GUSB: variants seen among roughly 807,000 people sequenced by gnomAD.
GUSB encodes beta-glucuronidase.
In GUSB, 51 loss-of-function variants were observed where a neutral mutation model predicts 74.6. The observed-to-expected ratio is 0.68, with a 90% CI of 0.55 to 0.86. The LOEUF is 0.86. Ranked by LOEUF, GUSB falls within the 40% of genes least tolerant of loss-of-function variation. The probability of loss-of-function intolerance (pLI) is 0.00; values close to 1 mark genes in which losing one functional copy is unlikely to be tolerated. For missense variants in GUSB, 736 were observed against 853.7 expected (o/e 0.86, Z 1.72); for synonymous variants, 360 against 348.3 (o/e 1.03, Z -0.37).
At chr7:65,975,848 CAAA>C (rs112120049) in intron 5 of GUSB, 164 bp downstream of exon 5, 6,510 of 429,074 alleles carry the variant, frequency 0.015, no homozygotes, top group East Asian at 0.024. Context: ...GAGACCATCT[CAAA>C]AAAAAAAAAA....
At chr7:65,961,162 CTT>C (rs1219469323) in intron 11 of GUSB, 99 bp from the exon 12 acceptor site, 38 of 1,153,692 alleles carry the variant, frequency 3.3e-5, no homozygotes, top group Non-Finnish European at 4.7e-5. Flanking sequence ...ATAGAAATGT[CTT>C]TTTTTTTCTT....
At position 65,973,011 on chromosome 7, in the gene GUSB, G is replaced by A. The variant is rs150944376; in HGVS notation, c.1391+1284C>T. 3.7e-4 allele frequency among the ~76,000 whole-genome samples: 56 copies of A among 152,282 alleles called. No homozygotes were observed. The East Asian group carries it at 7.1e-3, about 19-fold the overall frequency. On this transcript the variant is annotated intron_variant, in intron 8 of 11. Transcript: ENST00000304895. ...CCAAGTGAAAAATCCAACTCTGAAC[G>A]CTGAGTTAGAACTGCACGATTGTAA...
At chr7:65,961,525 A>T (rs574595611) in intron 11 of GUSB, among the ~76,000 whole-genome samples, 1 of 152,278 alleles carries the variant, frequency 6.6e-6, no homozygotes, top group South Asian at 2.1e-4. Flanking sequence ...CCAAACACCC[A>T]GGTTCCCTGG....
chr7:65,980,700 C>T (rs1583949012), intron 1 of GUSB: 23 of 466,922 alleles, frequency 4.9e-5, no homozygotes, highest in South Asian at 4.8e-4. Flanking sequence ...AGACCTGTGA[C>T]TAAGAGGCAG....
At chr7:65,974,170 G>T in intron 8 of GUSB, 125 bp downstream of exon 8, 1 of 843,714 alleles carries the variant, frequency 1.2e-6, no homozygotes, top group Non-Finnish European at 2.0e-6. Context: ...GAACTATCTG[G>T]GTATGGACGG....
intron 2 of GUSB, 128 bp downstream of exon 2, chr7:65,980,096 G>C: frequency 2.0e-6 from 2 of 1,002,130 alleles, no homozygotes; most frequent in South Asian, 1.4e-5. Context: ...ACAGCCCCCA[G>C]GGCAGGGCAG....
rs114492691 is a variant in GUSB, at chr7:65,970,932, G to C, written c.1392-566C>G. Among the ~76,000 whole-genome samples the C allele has an allele frequency of 2.1e-3, 321 of 151,860 alleles. 1 individual carries two copies. The highest frequency in any genetic ancestry group is 7.4e-3 in the African/African-American group (308 of 41,452). On this transcript the variant is annotated intron_variant, in intron 8 of 11. Transcript: ENST00000304895. ...CAAAGGGGAAAAAAAAAAAAGCATGGAGCCGCTGCTTTCTTCCCTAACTTG... is the reference window on the plus strand; with the variant it reads ...CAAAGGGGAAAAAAAAAAAAGCATGCAGCCGCTGCTTTCTTCCCTAACTTG...
Position 65,980,286 on chromosome 7 carries a change from T to G in GUSB, c.334A>C (p.Thr112Pro). 6.4e-7 allele frequency: 1 copy of G among 1,568,996 alleles called. No individual in the cohort carries two copies. The change falls in exon 2 of 12, where the codon ACC (threonine) becomes CCC (proline). Residue 112 changes from threonine (T) to proline (P), a missense_variant. Coordinates refer to ENST00000304895, the MANE Select transcript of GUSB (RefSeq NM_000181.4). ...EREVILPERW[T>P]QDLRTRVVLR... ...ACCACTCTTGTGCGCAGGTCCTGGG[T>G]CCATCGCTCCGGCAGGATCACCTCC...
chr7:65,969,851 T>G (rs1283854188), intron 9 of GUSB, among the ~76,000 whole-genome samples: 2 of 152,232 alleles, frequency 1.3e-5, no homozygotes, highest in African/African-American at 4.8e-5. Context: ...AAATCTTTGA[T>G]GTTTTATGAG....
intron 10 of GUSB, 79 bp downstream of exon 10, chr7:65,967,652 G>T: frequency 8.4e-7 from 1 of 1,188,632 alleles, no homozygotes; most frequent in South Asian, 1.2e-5. Flanking sequence ...CAGTGCAGTG[G>T]GCGCAGGTCA....
At position 65,974,591 on chromosome 7, in the gene GUSB, C is replaced by T. The variant is rs1791436002; in HGVS notation, c.1179G>A (p.Met393Ile). The T allele has an allele frequency of 2.5e-6, 4 of 1,614,114 alleles. No homozygotes were observed. The highest frequency in any genetic ancestry group is 3.4e-6 in the Non-Finnish European group (4 of 1,180,056). Residue 393 changes from methionine to isoleucine, a missense_variant, in exon 7 of 12, where the codon ATG becomes ATA. By Grantham distance (10) the Met-to-Ile change is conservative. Coordinates refer to ENST00000304895, the MANE Select transcript of GUSB (RefSeq NM_000181.4). The stretch of plus-strand genomic sequence containing the variant: ...CAATCCCATAGCGGTCACACATCTG[C>T]ATCACTTCCTCTGCATAGGGGTAGT... ...TSHYPYAEEV[M>I]QMCDRYGIVV...
chr7:65,975,759 G>C (rs1487998356), intron 5 of GUSB: 1 of 396,058 alleles, frequency 2.5e-6, no homozygotes, highest in East Asian at 4.6e-5. Context: ...GCCAAGGCAG[G>C]AGGACTGCTG....
rs1036843273 is a variant in GUSB at position 65,982,194 on chromosome 7, C to A, written c.-11G>T. ...CGACCCCCGGGCCATGCTTCCCGGT[C>A]CCCCGCTCGGCCACCGTCTGCGGCG... On this transcript the variant is annotated 5_prime_UTR_variant, in exon 1 of 12. Coordinates refer to ENST00000304895, the MANE Select transcript of GUSB (RefSeq NM_000181.4). 4.0e-6 allele frequency: 6 copies of A among 1,501,544 alleles called. No individual in the cohort carries two copies. The highest frequency in any genetic ancestry group is 1.4e-5 in the African/African-American group (1 of 69,784). 93.0% of individuals were successfully genotyped at this position (1,501,544 alleles called of 1,614,324 possible). A position where few individuals can be genotyped will look rare whatever the true frequency, so the allele number is the denominator to read the frequency against.
intron 1 of GUSB, among the ~76,000 whole-genome samples, chr7:65,981,115 C>A (rs574375317): frequency 6.6e-6 from 1 of 152,034 alleles, no homozygotes; most frequent in African/African-American, 2.4e-5. Flanking sequence ...TGGCTCATGC[C>A]AGTAATCAGC....
intron 9 of GUSB, among the ~76,000 whole-genome samples, chr7:65,968,975 C>T (rs1220164184): frequency 2.0e-5 from 3 of 152,306 alleles, no homozygotes; most frequent in South Asian, 2.1e-4. Context: ...AGGGCGGTGA[C>T]GACCGAGTAG....
At chr7:65,963,578 C>G (rs768039176) in intron 11 of GUSB, among the ~76,000 whole-genome samples, 4 of 74,536 alleles carry the variant, frequency 5.4e-5, no homozygotes, top group Non-Finnish European at 8.0e-5. Context: ...ACAAGTCTCA[C>G]TCTGTTGTCC....
At chr7:65,965,988 T>G (rs1223270722) in intron 10 of GUSB, among the ~76,000 whole-genome samples, 1 of 151,776 alleles carries the variant, frequency 6.6e-6, no homozygotes, top group Non-Finnish European at 1.5e-5. Flanking sequence ...CTGACCAACA[T>G]GGTGAAACCT....
intron 4 of GUSB, among the ~76,000 whole-genome samples, chr7:65,977,806 A>AT (rs1791684227): frequency 6.6e-6 from 1 of 151,476 alleles, no homozygotes; most frequent in African/African-American, 2.4e-5. Context: ...AGATATATAT[A>AT]TATTTTTTTA....
intron 9 of GUSB, among the ~76,000 whole-genome samples, chr7:65,969,115 T>TCA (rs1791033663): frequency 6.6e-6 from 1 of 152,010 alleles, no homozygotes; most frequent in African/African-American, 2.4e-5. Context: ...GTGTGGTGGC[T>TCA]CACGCCTGTA....
Sources: allele counts gnomAD v4.1 joint callset (sites outside exome capture counted in the v4.1 genomes callset), GRCh38; gene constraint gnomAD v4.1.1; transcripts MANE v1.5; gene names NCBI Gene and HGNC (gene_info 2026-07-23, HGNC 2026-07-21).